Variants in USP5 observed in about 807,000 individuals in gnomAD.
USP5 encodes ubiquitin specific peptidase 5.
USP5 carries 24 observed loss-of-function variants against 102.5 expected under a neutral mutation model. That is an observed-to-expected ratio of 0.23 (90% CI 0.17 to 0.33). The LOEUF is 0.33. Among genes scored for constraint, USP5 ranks in the 10% least tolerant of loss-of-function variants. The pLI, the probability that USP5 is intolerant of heterozygous loss-of-function variation, is 1.00. For synonymous variants in USP5, 460 were observed against 434.8 expected (o/e 1.06, Z -0.72); for missense variants, 753 against 1,122.1 (o/e 0.67, Z 4.70).
intron 6 of USP5, 153 bp from the exon 7 acceptor site, chr12:6,857,476 G>A (rs142748785): frequency 3.1e-4 from 189 of 614,550 alleles, no homozygotes; most frequent in Non-Finnish European, 4.0e-4. Flanking sequence ...GGCCATGACC[G>A]CACTCATATT....
In USP5 at chr12:6,856,742, A is replaced by G; in HGVS notation, c.620A>G (p.Asn207Ser). The G allele has an allele frequency of 6.2e-7, 1 of 1,614,000 alleles. No individual in the cohort carries two copies. The part of the protein sequence containing the change: ...WKCSKCDMRE[N>S]LWLNLTDGSI... ...TGCTCCAAGTGTGACATGAGAGAGA[A>G]CCTGTGGCTCAACCTGACTGATGGC... is the stretch of plus-strand genomic sequence containing the variant. The change falls in exon 6 of 20, where the codon AAC (asparagine) becomes AGC (serine). Residue 207 changes from asparagine to serine, a missense_variant. Asn to Ser is a conservative substitution (Grantham distance 46, BLOSUM62 1). This residue lies in a region of USP5 where 527 missense variants were observed against 816.5 expected (regional missense o/e 0.65). Coordinates refer to ENST00000229268, the MANE Select transcript of USP5 (RefSeq NM_001098536.2). The surrounding 1 kb of genome is among the most constrained non-coding windows in gnomAD (Gnocchi z 5.6).
chr12:6,865,111 A>G, intron 18 of USP5, 53 bp from the exon 19 acceptor site: 3 of 1,500,796 alleles, frequency 2.0e-6, no homozygotes, highest in Non-Finnish European at 2.8e-6. Flanking sequence ...TTGGGCCATC[A>G]CTCAAGCATT....
chr12:6,852,155 G>A lies in USP5; in HGVS notation c.-25G>A. On this transcript the variant is annotated 5_prime_UTR_variant, in exon 1 of 20. It adds an upstream start codon to the 5' untranslated region. Coordinates refer to ENST00000229268, the MANE Select transcript of USP5 (RefSeq NM_001098536.2). ...GACTGGGAACGGTGGGAGCCGCCGT[G>A]TGTGGAGAAGCTGCTGCCGGTGTCA... 1 of 1,598,908 alleles carries A rather than the reference G, an allele frequency of 6.3e-7. No individual in the cohort carries two copies. The highest frequency in any genetic ancestry group is 1.3e-5 in the African/African-American group (1 of 74,932).
intron 1 of USP5, among the ~76,000 whole-genome samples, chr12:6,854,525 T>C (rs1944050750): frequency 1.3e-5 from 2 of 148,234 alleles, no homozygotes; most frequent in South Asian, 4.2e-4. Context: ...GAGGCCAAGG[T>C]GGAAGGATTG....
chr12:6,861,626 T>A lies in USP5; in HGVS notation c.1673+9T>A, dbSNP rs376795145. On this transcript the variant is annotated intron_variant, in intron 13 of 19. Transcript: ENST00000229268. This position sits in a 1 kb window ranked among gnomAD's most constrained non-coding sequence, Gnocchi z 4.9. ...AAGTCAGTAGCTGTCAAGTAAGTCC[T>A]CTGGTCGGGGCCTGAGGCTGTGGGT... 10 of 1,541,978 alleles carry A rather than the reference T, an allele frequency of 6.5e-6. No homozygotes were observed. The highest frequency in any genetic ancestry group is 8.8e-6 in the Non-Finnish European group (10 of 1,140,606).
In USP5 at chr12:6,855,327, C is replaced by T. The variant is rs989957809; in HGVS notation, c.112-74C>T. ...TTCTGGAACCCAGCAGTTTCTGACT[C>T]CAGGTTTTGGTTTCCTCACCTGACC... is the stretch of plus-strand genomic sequence containing the variant. On this transcript the variant is annotated intron_variant, in intron 1 of 19. Coordinates refer to ENST00000229268, the MANE Select transcript of USP5 (RefSeq NM_001098536.2). The surrounding 1 kb of genome is among the most constrained non-coding windows in gnomAD (Gnocchi z 4.6). 72 of 1,578,950 alleles carry T rather than the reference C, an allele frequency of 4.6e-5. No homozygotes were observed. Among genetic ancestry groups the T allele is most frequent in the Admixed American group, 7.3e-5 (4 of 54,856 alleles).
chr12:6,864,671 A>C lies in USP5; in HGVS notation c.2245-51A>C, dbSNP rs1466394034. 6.4e-7 allele frequency: 1 copy of C among 1,565,176 alleles called. No individual in the cohort carries two copies. Among genetic ancestry groups the C allele is most frequent in the Non-Finnish European group, 8.6e-7 (1 of 1,157,802 alleles). ...GCCACTGCACTCCAGCCTGGGCGAC[A>C]GAGCAAGACTCCGTCTCAAGAAAAA... On this transcript the variant is annotated intron_variant, in intron 17 of 19. Coordinates refer to ENST00000229268, the MANE Select transcript of USP5 (RefSeq NM_001098536.2). The surrounding 1 kb of genome is among the most constrained non-coding windows in gnomAD (Gnocchi z 4.8).
chr12:6,862,657 G>A lies in USP5; in HGVS notation c.1762+99G>A. ...GTGTTTCTCAAAGTTTCCTCTGAAA[G>A]AGGAAAAAAAATCACCTTCAATGTT... is the stretch of plus-strand genomic sequence containing the variant. On this transcript the variant is annotated intron_variant, in intron 14 of 19. Coordinates refer to ENST00000229268, the MANE Select transcript of USP5 (RefSeq NM_001098536.2). The A allele has an allele frequency of 3.5e-6, 4 of 1,146,446 alleles. No individual in the cohort carries two copies. The Admixed American group carries it at 6.9e-5, about 20-fold the overall frequency. The allele number at this position is 1,146,446 out of a possible 1,614,324, so 71.0% of individuals were successfully genotyped here.
At chr12:6,852,693 C>A (rs1218555173) in intron 1 of USP5, among the ~76,000 whole-genome samples, 1 of 152,162 alleles carries the variant, frequency 6.6e-6, no homozygotes, top group Admixed American at 6.5e-5. Flanking sequence ...GGGACGACTC[C>A]CCACTGTTCT....
In USP5 at chr12:6,855,687, G is replaced by A. The variant is rs916876582; in HGVS notation, c.238-68G>A. The A allele has an allele frequency of 3.4e-5, 55 of 1,606,464 alleles. No homozygotes were observed. The highest frequency in any genetic ancestry group is 4.3e-5 in the Non-Finnish European group (50 of 1,174,406). Reference sequence around the variant, plus strand: ...CTGAGATGAAGCACTACCTCCTTCCGTCCCTCCTCCCGACTTGTTCCTTCG... The same window carrying A: ...CTGAGATGAAGCACTACCTCCTTCCATCCCTCCTCCCGACTTGTTCCTTCG... On this transcript the variant is annotated intron_variant, in intron 2 of 19. Transcript: ENST00000229268. This position sits in a 1 kb window ranked among gnomAD's most constrained non-coding sequence, Gnocchi z 4.6.
In USP5 at chr12:6,856,248, A is replaced by G; in HGVS notation, c.439-57A>G. The G allele has an allele frequency of 1.2e-6, 2 of 1,604,802 alleles. No homozygotes were observed. The highest frequency in any genetic ancestry group is 1.7e-6 in the Non-Finnish European group (2 of 1,174,238). ...CTGACAAAGCTGAAGGCCAAGGGGAAGAGGGGCATGTGGGGCAGGGGGTTG... is the reference window on the plus strand; with the variant it reads ...CTGACAAAGCTGAAGGCCAAGGGGAGGAGGGGCATGTGGGGCAGGGGGTTG... On this transcript the variant is annotated intron_variant, in intron 4 of 19. Coordinates refer to ENST00000229268, the MANE Select transcript of USP5 (RefSeq NM_001098536.2). This position sits in a 1 kb window ranked among gnomAD's most constrained non-coding sequence, Gnocchi z 5.6.
chr12:6,862,689 T>C, intron 14 of USP5, 131 bp downstream of exon 14: 1 of 757,176 alleles, frequency 1.3e-6, no homozygotes, highest in Non-Finnish European at 2.1e-6. Flanking sequence ...TGTTTCAAAA[T>C]TTATCTAGTT....
Position 6,861,419 on chromosome 12 carries a change from T to C in USP5, c.1499-24T>C, listed in dbSNP as rs782755088. On this transcript the variant is annotated intron_variant, in intron 12 of 19. Coordinates refer to ENST00000229268, the MANE Select transcript of USP5 (RefSeq NM_001098536.2). The surrounding 1 kb of genome is among the most constrained non-coding windows in gnomAD (Gnocchi z 4.9). The stretch of plus-strand genomic sequence containing the variant: ...CAAAGAAGCAGCACCCTCCGAAGGA[T>C]CCACCAACCCATTCTGTCACCAGAG... The C allele has an allele frequency of 7.1e-6, 11 of 1,545,300 alleles. No individual in the cohort carries two copies. In the East Asian group the frequency reaches 1.1e-4, roughly 16 times the overall value.
At chr12:6,865,786 G>C (rs1381963533) in intron 19 of USP5, among the ~76,000 whole-genome samples, 198 bp from the exon 20 acceptor site, 1 of 152,200 alleles carries the variant, frequency 6.6e-6, no homozygotes, top group African/African-American at 2.4e-5. Flanking sequence ...AGGTACTGGA[G>C]GATCTGAAGA....
rs782345562 is a variant in USP5, at chr12:6,864,026, ACAT to A, written c.2099-21_2099-19del. On this transcript the variant is annotated intron_variant, in intron 16 of 19. Transcript: ENST00000229268. The surrounding 1 kb of genome is among the most constrained non-coding windows in gnomAD (Gnocchi z 4.8). Reference sequence around the variant, plus strand: ...GCAGGGCCTCCATCCTCCCCCAAACACATCAACCCCTTCACATCCACAGATTTT... The same window carrying A: ...GCAGGGCCTCCATCCTCCCCCAAACACAACCCCTTCACATCCACAGATTTT... The A allele has an allele frequency of 2.5e-5, 40 of 1,584,926 alleles. No individual in the cohort carries two copies. Among genetic ancestry groups the A allele is most frequent in the Non-Finnish European group, 3.4e-5 (40 of 1,160,992 alleles).
rs2138036057 is a variant in USP5, at chr12:6,855,350, A to G, written c.112-51A>G. The G allele has an allele frequency of 6.2e-7, 1 of 1,605,890 alleles. No homozygotes were observed. Among genetic ancestry groups the G allele is most frequent in the Non-Finnish European group, 8.5e-7 (1 of 1,175,782 alleles). On this transcript the variant is annotated intron_variant, in intron 1 of 19. Coordinates refer to ENST00000229268, the MANE Select transcript of USP5 (RefSeq NM_001098536.2). The surrounding 1 kb of genome is among the most constrained non-coding windows in gnomAD (Gnocchi z 4.6). ...CTCCAGGTTTTGGTTTCCTCACCTG[A>G]CCAGGCTTCATAACATCCTCGTGTT...
chr12:6,864,319 C>A lies in USP5; in HGVS notation c.2244+124C>A. On this transcript the variant is annotated intron_variant, in intron 17 of 19. Coordinates refer to ENST00000229268, the MANE Select transcript of USP5 (RefSeq NM_001098536.2). The surrounding 1 kb of genome is among the most constrained non-coding windows in gnomAD (Gnocchi z 4.8). ...GGTCTGGCCGAGGTTGGGCACCACT[C>A]TTTTGTGGCTGCGATGAAGGAGCTG... 1 of 1,350,506 alleles carries A rather than the reference C, an allele frequency of 7.4e-7. No individual in the cohort carries two copies. Among genetic ancestry groups the A allele is most frequent in the Non-Finnish European group, 9.8e-7 (1 of 1,023,814 alleles). The allele number at this position is 1,350,506 out of a possible 1,614,324, so 83.7% of individuals were successfully genotyped here.
In USP5 at chr12:6,858,549, C is replaced by T. The variant is rs782693479; in HGVS notation, c.990C>T (p.Asn330=). Residue 330 remains asparagine (N), a synonymous_variant, in exon 8 of 20, where the codon AAC becomes AAT. Transcript: ENST00000229268. The surrounding 1 kb of genome is among the most constrained non-coding windows in gnomAD (Gnocchi z 4.2). The part of the protein sequence containing the change: ...LFGPGYTGIR[N]LGNSCYLNSV... ...GGCCTGGCTACACAGGCATCCGGAACCTGGGTAACAGCTGCTACCTCAACT... is the reference window on the plus strand; with the variant it reads ...GGCCTGGCTACACAGGCATCCGGAATCTGGGTAACAGCTGCTACCTCAACT... The T allele has an allele frequency of 1.2e-6, 2 of 1,613,726 alleles. No individual in the cohort carries two copies. The highest frequency in any genetic ancestry group is 2.7e-5 in the African/African-American group (2 of 74,922).
At chr12:6,854,662 G>A (rs1944054973) in intron 1 of USP5, among the ~76,000 whole-genome samples, 1 of 152,102 alleles carries the variant, frequency 6.6e-6, no homozygotes, top group South Asian at 2.1e-4. Context: ...GGAGACTGAG[G>A]CAGAAGGATC....
Sources: allele counts gnomAD v4.1 joint callset (sites outside exome capture counted in the v4.1 genomes callset), GRCh38; gene constraint gnomAD v4.1.1; regional missense constraint gnomAD v4.1.1; non-coding constraint Gnocchi (gnomAD v3.1); transcripts MANE v1.5; gene names NCBI Gene and HGNC (gene_info 2026-07-23, HGNC 2026-07-21).